LRRC4C: variants seen among roughly 807,000 people sequenced by gnomAD.
The protein encoded by LRRC4C is leucine rich repeat containing 4C.
In LRRC4C, 5 loss-of-function variants were observed where a neutral mutation model predicts 33.6. The ratio of observed to expected loss-of-function variants is 0.15; its 90% CI spans 0.08 to 0.31. The LOEUF is 0.31. Ranked by LOEUF, LRRC4C falls within the 10% of genes least tolerant of loss-of-function variation. LRRC4C has a pLI of 1.00. For synonymous variants in LRRC4C, 329 were observed against 302.0 expected (o/e 1.09, Z -0.93); for missense variants, 560 against 796.7 (o/e 0.70, Z 3.58).
At chr11:40,891,150 G>A (rs1437925917) in intron 2 of LRRC4C, among the ~76,000 whole-genome samples, 1 of 152,066 alleles carries the variant, frequency 6.6e-6, no homozygotes, top group African/African-American at 2.4e-5. Flanking sequence ...AGAAACACTT[G>A]AACTTGGAAG....
At chr11:40,577,922 G>A (rs1958269720) in intron 3 of LRRC4C, among the ~76,000 whole-genome samples, 1 of 140,498 alleles carries the variant, frequency 7.1e-6, no homozygotes, top group South Asian at 2.3e-4. Flanking sequence ...TGCAAGCTCC[G>A]CCTCCAAGTT....
In LRRC4C at chr11:41,080,389, T is replaced by C. The variant is rs375926747; in HGVS notation, c.-495-146666A>G. Among the ~76,000 whole-genome samples, 43 of 149,100 alleles carry C rather than the reference T, an allele frequency of 2.9e-4. 1 individual carries two copies. The South Asian group carries it at 8.7e-3, about 30-fold the overall frequency. On this transcript the variant is annotated intron_variant, in intron 1 of 6. Coordinates refer to ENST00000528697, the MANE Select transcript of LRRC4C (RefSeq NM_001258419.2). ...TGTTTGAGATGGAGTTTCACTCTTG[T>C]TGCCCAGGGTGGAGTGCAATGGCAC... is the stretch of plus-strand genomic sequence containing the variant.
intron 2 of LRRC4C, among the ~76,000 whole-genome samples, chr11:40,858,960 T>C (rs1341872121): frequency 6.6e-6 from 1 of 152,244 alleles, no homozygotes. Context: ...TTTAAATTCT[T>C]TGAGAGCCAC....
chr11:41,300,600 C>T (rs960841414), intron 1 of LRRC4C, among the ~76,000 whole-genome samples: 6 of 152,054 alleles, frequency 3.9e-5, no homozygotes, highest in South Asian at 2.1e-4. Flanking sequence ...CTTCCCTTTC[C>T]GAGGCCACAG....
intron 2 of LRRC4C, among the ~76,000 whole-genome samples, chr11:40,730,681 T>G (rs2136778291): frequency 6.6e-6 from 1 of 152,322 alleles, no homozygotes; most frequent in South Asian, 2.1e-4. Context: ...CTTTGAACTT[T>G]ATTATAACAT....
chr11:40,588,001 AG>A (rs1958842611), intron 3 of LRRC4C, among the ~76,000 whole-genome samples: 1 of 152,008 alleles, frequency 6.6e-6, no homozygotes. Flanking sequence ...AAAATGAGTT[AG>A]GGAGGATTCC....
intron 1 of LRRC4C, among the ~76,000 whole-genome samples, chr11:41,325,576 TTTGTGTGTG>T (rs757928924): frequency 1.1e-4 from 7 of 65,526 alleles, no homozygotes; most frequent in South Asian, 8.8e-4. Context: ...GTTTTTTTTT[TTTGTGTGTG>T]TGTGTGTGTG....
intron 3 of LRRC4C, among the ~76,000 whole-genome samples, chr11:40,579,642 T>C (rs1958376504): frequency 6.6e-6 from 1 of 152,162 alleles, no homozygotes; most frequent in Non-Finnish European, 1.5e-5. Flanking sequence ...TTTCTAGCTA[T>C]ACCCCTTTCA....
At chr11:41,190,561 G>C (rs1164615328) in intron 1 of LRRC4C, among the ~76,000 whole-genome samples, 1 of 152,092 alleles carries the variant, frequency 6.6e-6, no homozygotes, top group Admixed American at 6.6e-5. Context: ...CATTTATCAC[G>C]GTCAGAGAAC....
intron 5 of LRRC4C, among the ~76,000 whole-genome samples, chr11:40,199,435 G>A (rs1291913465): frequency 2.0e-5 from 3 of 152,236 alleles, no homozygotes; most frequent in African/African-American, 7.2e-5. Context: ...AAGGCCTTGT[G>A]GGTCTTTATA....
chr11:40,860,615 T>C (rs1954038772), intron 2 of LRRC4C, among the ~76,000 whole-genome samples: 1 of 152,082 alleles, frequency 6.6e-6, no homozygotes, highest in African/African-American at 2.4e-5. Context: ...AGTGCATCTC[T>C]GTCTTCACAT....
intron 1 of LRRC4C, among the ~76,000 whole-genome samples, chr11:40,980,221 T>C (rs1052675308): frequency 5.3e-5 from 8 of 152,162 alleles, no homozygotes; most frequent in African/African-American, 1.9e-4. Context: ...TGCCATCAGT[T>C]TCCTTCAAAA....
intron 1 of LRRC4C, among the ~76,000 whole-genome samples, chr11:41,010,513 C>T (rs1400599757): frequency 6.6e-6 from 1 of 152,074 alleles, no homozygotes; most frequent in Non-Finnish European, 1.5e-5. Context: ...GTAAATAGAG[C>T]AAGAAAGTGG....
At chr11:40,558,160 C>T (rs554654132) in intron 3 of LRRC4C, among the ~76,000 whole-genome samples, 5 of 152,082 alleles carry the variant, frequency 3.3e-5, no homozygotes, top group Non-Finnish European at 7.4e-5. Context: ...GAATGGAATG[C>T]TAACTAAAGA....
Position 40,743,101 on chromosome 11 carries a change from C to T in LRRC4C, c.-406-94823G>A, listed in dbSNP as rs1055844373. Among the ~76,000 whole-genome samples, 3 of 152,092 alleles carry T rather than the reference C, an allele frequency of 2.0e-5. No individual in the cohort carries two copies. In the South Asian group the frequency reaches 6.2e-4, roughly 32 times the overall value. On this transcript the variant is annotated intron_variant, in intron 2 of 6. Transcript: ENST00000528697. The stretch of plus-strand genomic sequence containing the variant: ...AATTTGTAAAGATAAAAATATTGTA[C>T]GAATGTCATTTTTAGTATGAAAATG...
At chr11:41,232,360 T>G (rs1001970989) in intron 1 of LRRC4C, among the ~76,000 whole-genome samples, 5 of 152,098 alleles carry the variant, frequency 3.3e-5, no homozygotes, top group African/African-American at 1.2e-4. Context: ...TTACTGGATA[T>G]TTAGCATTCT....
intron 1 of LRRC4C, among the ~76,000 whole-genome samples, chr11:40,965,806 G>A (rs1209219919): frequency 6.6e-6 from 1 of 151,352 alleles, no homozygotes; most frequent in African/African-American, 2.4e-5. Flanking sequence ...GTAGCGTGAT[G>A]CCTCCAACTT....
At chr11:40,274,954 G>A (rs1942993244) in intron 4 of LRRC4C, among the ~76,000 whole-genome samples, 1 of 152,090 alleles carries the variant, frequency 6.6e-6, no homozygotes, top group Non-Finnish European at 1.5e-5. Flanking sequence ...AATGTTTATA[G>A]CTTATGGCAG....
intron 1 of LRRC4C, among the ~76,000 whole-genome samples, chr11:41,357,096 G>A (rs999752999): frequency 6.6e-6 from 1 of 151,966 alleles, no homozygotes; most frequent in Non-Finnish European, 1.5e-5. Context: ...CACACTTTGG[G>A]ACTGGAACTG....
Sources: gnomAD v4.1 joint callset for allele counts (sites outside exome capture counted in the v4.1 genomes callset) on GRCh38, gnomAD v4.1.1 for gene constraint, MANE v1.5 for transcripts, NCBI Gene and HGNC (gene_info 2026-07-23, HGNC 2026-07-21) for gene names.